Variants in ALK observed in about 807,000 individuals in gnomAD.
ALK encodes the protein ALK tyrosine kinase receptor.
Under a neutral mutation model 163.1 loss-of-function variants are expected in ALK, and 74 were observed. The ratio of observed to expected loss-of-function variants is 0.45; its 90% CI spans 0.38 to 0.55. ALK has a LOEUF of 0.55. Among genes scored for constraint, ALK ranks in the 20% least tolerant of loss-of-function variants. The pLI is 0.00. For missense variants in ALK, 2,063 were observed against 2,105.3 expected (o/e 0.98, Z 0.39); for synonymous variants, 960 against 843.2 (o/e 1.14, Z -2.40).
At chr2:29,755,550 C>T (rs1680496612) in intron 1 of ALK, among the ~76,000 whole-genome samples, 1 of 152,222 alleles carries the variant, frequency 6.6e-6, no homozygotes, top group Admixed American at 6.5e-5. Flanking sequence ...ATGGATTCCG[C>T]TGAGTAGAAG....
intron 3 of ALK, 140 bp from the exon 4 acceptor site, chr2:29,532,256 C>G (rs567375165): frequency 1.2e-6 from 1 of 805,130 alleles, no homozygotes; most frequent in South Asian, 1.5e-5. Context: ...TGCACCCAGC[C>G]TTCTTCCTCC....
chr2:29,745,823 A>G (rs1680194758), intron 1 of ALK, among the ~76,000 whole-genome samples: 1 of 152,216 alleles, frequency 6.6e-6, no homozygotes, highest in East Asian at 1.9e-4. Context: ...TAGGTGCTAA[A>G]TAAATATTTG....
chr2:29,734,552 C>T (rs919707141), intron 1 of ALK, among the ~76,000 whole-genome samples: 2 of 152,170 alleles, frequency 1.3e-5, no homozygotes, highest in Middle Eastern at 6.8e-3. Flanking sequence ...TCAAAATGAG[C>T]AACCTCTTCC....
chr2:29,713,358 A>T (rs1679161655), intron 2 of ALK, among the ~76,000 whole-genome samples: 1 of 152,178 alleles, frequency 6.6e-6, no homozygotes, highest in East Asian at 1.9e-4. Context: ...ACACAAGTCA[A>T]TCCCCAGGGA....
chr2:29,543,994 C>T (rs1160159849), intron 3 of ALK, among the ~76,000 whole-genome samples: 1 of 152,112 alleles, frequency 6.6e-6, no homozygotes, highest in East Asian at 1.9e-4. Flanking sequence ...GATGGATTTC[C>T]ATCTCAATCA....
intron 6 of ALK, among the ~76,000 whole-genome samples, chr2:29,326,349 C>T (rs2148256159): frequency 6.6e-6 from 1 of 152,346 alleles, no homozygotes; most frequent in Admixed American, 6.5e-5. Context: ...AGTCAATTGC[C>T]TTATCTGTGC....
chr2:29,320,928 G>A lies in ALK; in HGVS notation c.1415-46C>T, dbSNP rs751007258. The A allele has an allele frequency of 6.9e-5, 111 of 1,613,574 alleles. 2 individuals are homozygous for A. Among genetic ancestry groups the A allele is most frequent in the Middle Eastern group, 6.6e-4 (4 of 6,056 alleles). ...CACCATCATTTTCAGGACCACTAAA[G>A]GCAAAATATGCCAATGCCAAGTCGA... On this transcript the variant is annotated intron_variant, in intron 6 of 28. Coordinates refer to ENST00000389048, the MANE Select transcript of ALK (RefSeq NM_004304.5).
intron 4 of ALK, among the ~76,000 whole-genome samples, chr2:29,419,965 C>G (rs554594355): frequency 6.6e-6 from 1 of 151,222 alleles, no homozygotes; most frequent in South Asian, 2.1e-4. Context: ...TTGAGACCAG[C>G]CTGGGCAACA....
intron 4 of ALK, among the ~76,000 whole-genome samples, chr2:29,384,404 T>C (rs1227494779): frequency 2.0e-5 from 3 of 152,312 alleles, no homozygotes; most frequent in Admixed American, 1.3e-4. Flanking sequence ...GCATGTATTT[T>C]GGGGTAAAAG....
chr2:29,377,711 T>C (rs756063646), intron 5 of ALK, among the ~76,000 whole-genome samples: 3 of 152,198 alleles, frequency 2.0e-5, no homozygotes, highest in Non-Finnish European at 4.4e-5. Context: ...AACACCCTCA[T>C]TTTAGCCCCG....
chr2:29,608,425 G>C (rs946508339), intron 3 of ALK, among the ~76,000 whole-genome samples: 1 of 152,190 alleles, frequency 6.6e-6, no homozygotes, highest in African/African-American at 2.4e-5. Context: ...CTGACATAGG[G>C]TTCTAGAGTT....
intron 4 of ALK, among the ~76,000 whole-genome samples, chr2:29,409,074 C>G (rs1251547765): frequency 6.6e-6 from 1 of 152,146 alleles, no homozygotes; most frequent in East Asian, 1.9e-4. Context: ...ATGGAGATGC[C>G]ATCTCATCAG....
intron 11 of ALK, among the ~76,000 whole-genome samples, chr2:29,258,763 TATATG>T (rs375371728): frequency 6.6e-6 from 1 of 152,254 alleles, no homozygotes; most frequent in Non-Finnish European, 1.5e-5. Flanking sequence ...GCTTCTTTGC[TATATG>T]ATATGACAAA....
At chr2:29,513,664 T>C (rs1228225748) in intron 4 of ALK, among the ~76,000 whole-genome samples, 3 of 151,574 alleles carry the variant, frequency 2.0e-5, no homozygotes, top group South Asian at 4.2e-4. Context: ...CTAATTAAAC[T>C]AAACAGCTTC....
At chr2:29,683,445 C>T (rs1325761795) in intron 3 of ALK, among the ~76,000 whole-genome samples, 1 of 151,952 alleles carries the variant, frequency 6.6e-6, no homozygotes, top group East Asian at 1.9e-4. Context: ...CAGTAAGGAT[C>T]CCAAAGCAAG....
intron 3 of ALK, among the ~76,000 whole-genome samples, chr2:29,672,499 C>A (rs1270780442): frequency 6.7e-6 from 1 of 150,088 alleles, no homozygotes; most frequent in Non-Finnish European, 1.5e-5. Context: ...CTACAAAGGA[C>A]ATGAACTCAT....
Position 29,324,995 on chromosome 2 carries a change from C to T in ALK, c.1414+3355G>A, listed in dbSNP as rs191632696. Among the ~76,000 whole-genome samples, 152 of 152,314 alleles carry T rather than the reference C, an allele frequency of 1.0e-3. 1 individual carries two copies. Among genetic ancestry groups the T allele is most frequent in the Non-Finnish European group, 6.3e-4 (43 of 68,028 alleles). ...TAAGGGCTCCAAAGAGATCCAGTTA[C>T]GTTGCCCAGAGTGAGTCTGATAATC... On this transcript the variant is annotated intron_variant, in intron 6 of 28. Transcript: ENST00000389048.
At chr2:29,401,864 ACTGGCCTATAAATCCTGGT>A (rs1669453812) in intron 4 of ALK, among the ~76,000 whole-genome samples, 1 of 152,212 alleles carries the variant, frequency 6.6e-6, no homozygotes, top group East Asian at 1.9e-4. Context: ...AAATTTCAGA[ACTGGCCTATAAATCCTGGT>A]CTGACACGAA....
At chr2:29,654,202 A>T (rs546061142) in intron 3 of ALK, among the ~76,000 whole-genome samples, 2 of 152,168 alleles carry the variant, frequency 1.3e-5, no homozygotes, top group Non-Finnish European at 1.5e-5. Flanking sequence ...GGTCTAAAAG[A>T]TTAAAAGAGT....
Sources: allele counts gnomAD v4.1 joint callset (sites outside exome capture counted in the v4.1 genomes callset), GRCh38; gene constraint gnomAD v4.1.1; transcripts MANE v1.5; gene names NCBI Gene and HGNC (gene_info 2026-07-23, HGNC 2026-07-21).